ADAMTSL1: variants seen among roughly 807,000 people sequenced by gnomAD.
ADAMTSL1 encodes the protein ADAMTS like 1, also known as ADAMTS-like protein 1.
In ADAMTSL1, 126 loss-of-function variants were observed where a neutral mutation model predicts 201.8. The ratio of observed to expected loss-of-function variants is 0.62; its 90% CI spans 0.54 to 0.72. The LOEUF (loss-of-function observed/expected upper bound fraction) is 0.72. ADAMTSL1 is among the 30% of genes least tolerant of loss of function. ADAMTSL1 has a pLI of 0.00. For missense variants in ADAMTSL1, 2,679 were observed against 2,277.8 expected (o/e 1.18, Z -3.59); for synonymous variants, 1,121 against 903.4 (o/e 1.24, Z -4.32).
intron 1 of ADAMTSL1, among the ~76,000 whole-genome samples, chr9:18,087,753 T>C (rs1823829171): frequency 6.6e-6 from 1 of 152,196 alleles, no homozygotes; most frequent in South Asian, 2.1e-4. Flanking sequence ...AGAAAATGTC[T>C]CTTTTAAGTA....
At chr9:18,479,811 G>A (rs182644179) in intron 1 of ADAMTSL1, among the ~76,000 whole-genome samples, 4 of 152,310 alleles carry the variant, frequency 2.6e-5, no homozygotes, top group Admixed American at 2.0e-4. Flanking sequence ...GCAAGAAAAG[G>A]TGAAAACAGG....
chr9:18,153,408 AT>A (rs1390308858), intron 1 of ADAMTSL1, among the ~76,000 whole-genome samples: 1 of 152,062 alleles, frequency 6.6e-6, no homozygotes, highest in Non-Finnish European at 1.5e-5. Flanking sequence ...TTAATAACTG[AT>A]TTTTTAAAAA....
chr9:18,534,446 G>C (rs1283996398), intron 3 of ADAMTSL1, among the ~76,000 whole-genome samples: 1 of 152,172 alleles, frequency 6.6e-6, no homozygotes. Flanking sequence ...AAATTAAGTT[G>C]ACTCTGCAAG....
chr9:18,210,986 CAG>C (rs1464446232), intron 2 of ADAMTSL1, among the ~76,000 whole-genome samples: 2 of 151,050 alleles, frequency 1.3e-5, no homozygotes, highest in Admixed American at 1.3e-4. Context: ...AAAAAGGTGA[CAG>C]AGGAGAGAAG....
intron 2 of ADAMTSL1, among the ~76,000 whole-genome samples, chr9:18,426,385 C>G (rs1409067866): frequency 6.6e-6 from 1 of 152,126 alleles, no homozygotes; most frequent in Non-Finnish European, 1.5e-5. Flanking sequence ...TAAAGTTAGA[C>G]TGGCAAATAA....
At chr9:18,212,135 C>A (rs1388741255) in intron 2 of ADAMTSL1, among the ~76,000 whole-genome samples, 1 of 152,112 alleles carries the variant, frequency 6.6e-6, no homozygotes, top group Non-Finnish European at 1.5e-5. Flanking sequence ...TGTGTATTAA[C>A]GTGTATGTAT....
At chr9:17,922,934 C>G (rs942165405) in intron 1 of ADAMTSL1, among the ~76,000 whole-genome samples, 1 of 152,146 alleles carries the variant, frequency 6.6e-6, no homozygotes, top group Non-Finnish European at 1.5e-5. Flanking sequence ...AAAGCCCCAA[C>G]CCTTACGCCC....
chr9:18,047,026 A>G lies in ADAMTSL1; in HGVS notation c.88-116836A>G, dbSNP rs145351488. Among the ~76,000 whole-genome samples the G allele has an allele frequency of 3.9e-3, 600 of 152,274 alleles. 3 individuals carry two copies. Among genetic ancestry groups the G allele is most frequent in the African/African-American group, 0.013 (554 of 41,576 alleles). On this transcript the variant is annotated intron_variant, in intron 1 of 29. Transcript: ENST00000680146. ...GTAATGTGGAGTAATGGAAGGCAGA[A>G]AAATGGCTTAGAAGATGACTACATA...
At chr9:18,350,021 A>G (rs557809193) in intron 2 of ADAMTSL1, among the ~76,000 whole-genome samples, 1 of 152,086 alleles carries the variant, frequency 6.6e-6, no homozygotes, top group East Asian at 1.9e-4. Context: ...GTTGGCCTGC[A>G]GTAACCCGGG....
chr9:18,770,563 T>C (rs1349614071), intron 16 of ADAMTSL1, 39 bp from the exon 17 acceptor site: 1 of 1,569,666 alleles, frequency 6.4e-7, no homozygotes, highest in Admixed American at 1.8e-5. Context: ...CTTCCCATAT[T>C]GGGTCTACTT....
chr9:18,316,057 C>T (rs925092297), intron 2 of ADAMTSL1, among the ~76,000 whole-genome samples: 2 of 152,236 alleles, frequency 1.3e-5, no homozygotes, highest in South Asian at 2.1e-4. Flanking sequence ...CGGTAGGTTC[C>T]GTGATGCCCC....
At chr9:18,430,005 G>A (rs560712746) in intron 2 of ADAMTSL1, among the ~76,000 whole-genome samples, 86 of 152,160 alleles carry the variant, frequency 5.7e-4, no homozygotes, top group African/African-American at 1.9e-3. Context: ...GGCCAGGCTG[G>A]TCTCAAACTC....
chr9:18,420,680 G>C (rs1333427837), intron 2 of ADAMTSL1, among the ~76,000 whole-genome samples: 2 of 152,190 alleles, frequency 1.3e-5, no homozygotes, highest in Non-Finnish European at 1.5e-5. Context: ...GAGAGGGTTT[G>C]AGAGGGAGGA....
intron 2 of ADAMTSL1, among the ~76,000 whole-genome samples, chr9:18,433,829 C>G (rs573134244): frequency 2.9e-4 from 44 of 152,156 alleles, no homozygotes; most frequent in Non-Finnish European, 4.9e-4. Flanking sequence ...CAGATCTGTT[C>G]CACAATGTGT....
At chr9:18,893,156 G>C (rs931564270) in intron 26 of ADAMTSL1, among the ~76,000 whole-genome samples, 1 of 151,964 alleles carries the variant, frequency 6.6e-6, no homozygotes, top group South Asian at 2.1e-4. Context: ...AAACAGGCAT[G>C]AGCTCCCTTT....
intron 13 of ADAMTSL1, among the ~76,000 whole-genome samples, chr9:18,704,094 A>G (rs963231516): frequency 5.3e-5 from 8 of 152,114 alleles, no homozygotes; most frequent in Non-Finnish European, 8.8e-5. Flanking sequence ...GTTTTTTTCT[A>G]TAGCAGGGGT....
chr9:17,965,577 A>G (rs1238494422), intron 1 of ADAMTSL1, among the ~76,000 whole-genome samples: 1 of 152,174 alleles, frequency 6.6e-6, no homozygotes, highest in Non-Finnish European at 1.5e-5. Context: ...CAAACCAACC[A>G]AGTCCTGGTA....
At chr9:18,418,976 G>C (rs11790212) in intron 2 of ADAMTSL1, among the ~76,000 whole-genome samples, 1 of 152,152 alleles carries the variant, frequency 6.6e-6, no homozygotes, top group Non-Finnish European at 1.5e-5. Flanking sequence ...GGTGGTATCG[G>C]CAAAGAGAGA....
chr9:18,692,241 G>A (rs1033617658), intron 13 of ADAMTSL1, among the ~76,000 whole-genome samples: 1 of 152,182 alleles, frequency 6.6e-6, no homozygotes, highest in African/African-American at 2.4e-5. Context: ...AGTAAGAAAA[G>A]TTCAGAAGCT....
Sources: allele counts gnomAD v4.1 joint callset (sites outside exome capture counted in the v4.1 genomes callset), GRCh38; gene constraint gnomAD v4.1.1; transcripts MANE v1.5; gene names NCBI Gene and HGNC (gene_info 2026-07-23, HGNC 2026-07-21).